PDZD2: variants seen among roughly 807,000 people sequenced by gnomAD.
The protein encoded by PDZD2 is PDZ domain-containing protein 2.
PDZD2 carries 90 observed loss-of-function variants against 220.7 expected under a neutral mutation model. The ratio of observed to expected loss-of-function variants is 0.41; its 90% CI spans 0.34 to 0.49. The LOEUF is 0.49. Ranked by LOEUF, PDZD2 falls within the 20% of genes least tolerant of loss-of-function variation. PDZD2 has a pLI of 0.28. For missense variants in PDZD2, 3,174 were observed against 3,608.5 expected, an observed-to-expected ratio of 0.88 and a Z score of 3.08; for synonymous variants, 1,375 against 1,450.5, an observed-to-expected ratio of 0.95 and a Z score of 1.18.
intron 14 of PDZD2, among the ~76,000 whole-genome samples, chr5:32,066,371 A>G (rs549978208): frequency 6.6e-6 from 1 of 152,230 alleles, no homozygotes; most frequent in South Asian, 2.1e-4. Context: ...CACTCAATCC[A>G]ATCAAACCAA....
intron 1 of PDZD2, among the ~76,000 whole-genome samples, chr5:31,699,635 A>G (rs982713293): frequency 2.0e-5 from 3 of 152,084 alleles, no homozygotes; most frequent in Non-Finnish European, 4.4e-5. Flanking sequence ...ACAGAGTCTC[A>G]TTCTGTCACC....
intron 2 of PDZD2, among the ~76,000 whole-genome samples, chr5:31,968,030 C>T (rs1471004318): frequency 6.6e-6 from 1 of 152,166 alleles, no homozygotes; most frequent in African/African-American, 2.4e-5. Flanking sequence ...CACCCGGAAT[C>T]GACATATTGA....
chr5:31,761,808 C>T (rs1161604343), intron 1 of PDZD2, among the ~76,000 whole-genome samples: 1 of 150,928 alleles, frequency 6.6e-6, no homozygotes, highest in Non-Finnish European at 1.5e-5. Context: ...TTGCAGTGAG[C>T]CAAGATCACA....
intron 2 of PDZD2, among the ~76,000 whole-genome samples, chr5:31,910,344 C>G (rs1262062417): frequency 6.6e-6 from 1 of 151,238 alleles, no homozygotes; most frequent in Non-Finnish European, 1.5e-5. Context: ...CTCAGCCTCC[C>G]AAGCATCTGG....
chr5:31,712,542 G>T (rs891548545), intron 1 of PDZD2, among the ~76,000 whole-genome samples: 3 of 151,768 alleles, frequency 2.0e-5, no homozygotes, highest in Non-Finnish European at 2.9e-5. Context: ...GTCTCTCCAG[G>T]TGGTCTCTTG....
chr5:31,823,153 GCAAAAAAAAAAA>G (rs1755994343), intron 2 of PDZD2: 2 of 74,084 alleles, frequency 2.7e-5, no homozygotes, highest in Non-Finnish European at 4.4e-5. Flanking sequence ...AGTAGACGTG[GCAAAAAAAAAAA>G]AAAAAAAAAA....
chr5:31,705,937 G>A (rs1252626672), intron 1 of PDZD2, among the ~76,000 whole-genome samples: 2 of 152,200 alleles, frequency 1.3e-5, no homozygotes, highest in Admixed American at 6.5e-5. Flanking sequence ...TGTAATCCCA[G>A]GTACTCAGGA....
At chr5:31,747,460 G>A (rs10461698) in intron 1 of PDZD2, among the ~76,000 whole-genome samples, 13,600 of 152,112 alleles carry the variant, frequency 0.089, 987 homozygotes, top group East Asian at 0.35. Context: ...AGTTAAGAGT[G>A]GCCTCCCTGC....
At chr5:31,780,769 G>A (rs577158308) in intron 1 of PDZD2, among the ~76,000 whole-genome samples, 6 of 152,268 alleles carry the variant, frequency 3.9e-5, no homozygotes, top group African/African-American at 1.4e-4. Flanking sequence ...GGTGTCCTCA[G>A]GGTCCCAATC....
At chr5:31,887,116 G>C (rs1740579234) in intron 2 of PDZD2, among the ~76,000 whole-genome samples, 1 of 152,152 alleles carries the variant, frequency 6.6e-6, no homozygotes, top group Admixed American at 6.6e-5. Flanking sequence ...CTATGGGCTG[G>C]GCTCATTCTT....
chr5:32,050,301 T>A (rs1298109113), intron 8 of PDZD2, among the ~76,000 whole-genome samples: 1 of 152,156 alleles, frequency 6.6e-6, no homozygotes, highest in Non-Finnish European at 1.5e-5. Context: ...TTGAGGTAAT[T>A]TCTTAACTGA....
At chr5:32,062,291 G>A (rs561868553) in intron 14 of PDZD2, among the ~76,000 whole-genome samples, 1 of 151,922 alleles carries the variant, frequency 6.6e-6, no homozygotes, top group African/African-American at 2.4e-5. Context: ...AAAAAATAAA[G>A]CCCAGCATTT....
intron 2 of PDZD2, among the ~76,000 whole-genome samples, chr5:31,972,403 A>T (rs952823402): frequency 6.6e-6 from 1 of 151,766 alleles, no homozygotes; most frequent in South Asian, 2.1e-4. Flanking sequence ...TGTGAGCCAC[A>T]GCACCCAGCC....
intron 2 of PDZD2, among the ~76,000 whole-genome samples, chr5:31,865,702 C>T (rs1381698049): frequency 1.5e-5 from 2 of 129,116 alleles, no homozygotes; most frequent in African/African-American, 3.0e-5. Flanking sequence ...GGCGCAATCT[C>T]GTCTCACTGC....
chr5:31,649,802 G>C (rs1745276899), intron 1 of PDZD2, among the ~76,000 whole-genome samples: 1 of 151,810 alleles, frequency 6.6e-6, no homozygotes, highest in Non-Finnish European at 1.5e-5. Flanking sequence ...GCCAGGCATG[G>C]TGGCGCGCGC....
chr5:32,096,960 T>C (rs1743773238), intron 21 of PDZD2, among the ~76,000 whole-genome samples: 1 of 151,184 alleles, frequency 6.6e-6, no homozygotes, highest in Non-Finnish European at 1.5e-5. Context: ...CTCAGCCTCT[T>C]GAGTAGCTGG....
chr5:31,991,146 G>A lies in PDZD2; in HGVS notation c.979-4430G>A, dbSNP rs141227817. 2.6e-3 allele frequency among the ~76,000 whole-genome samples: 391 copies of A among 152,282 alleles called. 1 individual carries two copies. Among genetic ancestry groups the A allele is most frequent in the Non-Finnish European group, 4.0e-3 (269 of 68,014 alleles). ...ACCTTGGAGTTTGAACCTTATTCTC[G>A]GTCCTGTGGGAAGTTGTTGGAGGGC... On this transcript the variant is annotated intron_variant, in intron 3 of 24. Transcript: ENST00000438447.
chr5:31,901,515 A>G (rs557988136), intron 2 of PDZD2, among the ~76,000 whole-genome samples: 30 of 152,230 alleles, frequency 2.0e-4, no homozygotes, highest in African/African-American at 7.0e-4. Context: ...CTTCCCCTCA[A>G]ACAATTTTCA....
intron 2 of PDZD2, chr5:31,908,686 C>T: frequency 8.5e-7 from 1 of 1,172,858 alleles, no homozygotes; most frequent in Non-Finnish European, 1.2e-6. Flanking sequence ...AGAGTAAAAC[C>T]TTTTATGACA....
Sources: gnomAD v4.1 joint callset for allele counts (sites outside exome capture counted in the v4.1 genomes callset) on GRCh38, gnomAD v4.1.1 for gene constraint, MANE v1.5 for transcripts, NCBI Gene and HGNC (gene_info 2026-07-23, HGNC 2026-07-21) for gene names.